The following ADAMTSL1 variants were observed in gnomAD, a reference collection of about 807,000 sequenced individuals.
ADAMTSL1 encodes ADAMTS-like protein 1.
In ADAMTSL1, 126 loss-of-function variants were observed where a neutral mutation model predicts 201.8. That is an observed-to-expected ratio of 0.62 (90% CI 0.54 to 0.72). ADAMTSL1 has a LOEUF of 0.72. Among genes scored for constraint, ADAMTSL1 ranks in the 30% least tolerant of loss-of-function variants. The pLI is 0.00. For synonymous variants in ADAMTSL1, 1,121 were observed against 903.4 expected (o/e 1.24, Z -4.32); for missense variants, 2,679 against 2,277.8 (o/e 1.18, Z -3.59).
intron 2 of ADAMTSL1, among the ~76,000 whole-genome samples, chr9:18,443,641 A>G (rs1344649682): frequency 6.6e-6 from 1 of 152,218 alleles, no homozygotes; most frequent in African/African-American, 2.4e-5. Flanking sequence ...TTCAGGGTGA[A>G]TGAAAGTTTG....
intron 1 of ADAMTSL1, among the ~76,000 whole-genome samples, chr9:18,153,188 A>C (rs539608660): frequency 2.0e-5 from 3 of 152,044 alleles, no homozygotes; most frequent in Non-Finnish European, 4.4e-5. Context: ...ATACTTGCCA[A>C]CTCTTTGAAG....
chr9:17,997,056 G>T (rs1353241576), intron 1 of ADAMTSL1, among the ~76,000 whole-genome samples: 2 of 152,120 alleles, frequency 1.3e-5, no homozygotes, highest in East Asian at 3.9e-4. Flanking sequence ...CCCTTTGATA[G>T]TGAGCAGTCT....
At chr9:17,913,163 T>C (rs1429127498) in intron 1 of ADAMTSL1, among the ~76,000 whole-genome samples, 1 of 152,168 alleles carries the variant, frequency 6.6e-6, no homozygotes, top group Non-Finnish European at 1.5e-5. Context: ...GGCTTAGGAT[T>C]GACTTGGCAA....
chr9:18,685,072 G>A (rs575373439), intron 13 of ADAMTSL1: 236 of 929,688 alleles, frequency 2.5e-4, no homozygotes, highest in Admixed American at 2.1e-3. Context: ...TCTTCTCTGC[G>A]CAAGGGGCCA....
chr9:18,864,818 G>T (rs990289161), intron 23 of ADAMTSL1, among the ~76,000 whole-genome samples: 1 of 152,224 alleles, frequency 6.6e-6, no homozygotes, highest in Non-Finnish European at 1.5e-5. Context: ...CTGGACTGAT[G>T]CCCTGTCCTT....
intron 2 of ADAMTSL1, among the ~76,000 whole-genome samples, chr9:18,210,537 A>G (rs988522413): frequency 6.8e-6 from 1 of 147,438 alleles, no homozygotes; most frequent in Non-Finnish European, 1.5e-5. Flanking sequence ...ATATTAATTA[A>G]TATTACCAGG....
Position 18,125,379 on chromosome 9 carries a change from G to A in ADAMTSL1, c.88-38483G>A, listed in dbSNP as rs559044951. Among the ~76,000 whole-genome samples, 6 of 152,246 alleles carry A rather than the reference G, an allele frequency of 3.9e-5. No individual in the cohort carries two copies. The South Asian group carries it at 1.2e-3, about 32-fold the overall frequency. ...CCTCCCACGACCATGTGGGAGTTGTGGGAGTTAAATTCAAGTTAAGATTTG... is the reference window on the plus strand; with the variant it reads ...CCTCCCACGACCATGTGGGAGTTGTAGGAGTTAAATTCAAGTTAAGATTTG... On this transcript the variant is annotated intron_variant, in intron 1 of 29. Coordinates refer to the ADAMTSL1 transcript ENST00000680146.
intron 1 of ADAMTSL1, among the ~76,000 whole-genome samples, chr9:17,927,279 T>C (rs887113579): frequency 1.3e-5 from 2 of 152,218 alleles, no homozygotes; most frequent in African/African-American, 4.8e-5. Flanking sequence ...ACTGCATGAA[T>C]GTATATGTAC....
intron 5 of ADAMTSL1, among the ~76,000 whole-genome samples, chr9:18,631,717 A>G (rs1213053066): frequency 2.0e-5 from 3 of 152,256 alleles, no homozygotes; most frequent in Non-Finnish European, 2.9e-5. Context: ...AATATTCTAT[A>G]TAGAAAGTTG....
chr9:18,766,053 A>C (rs1227115503), intron 16 of ADAMTSL1, among the ~76,000 whole-genome samples: 1 of 150,372 alleles, frequency 6.7e-6, no homozygotes, highest in African/African-American at 2.5e-5. Flanking sequence ...GAACAAAACA[A>C]CAAAAAAAAA....
At chr9:18,246,001 C>T (rs905956119) in intron 2 of ADAMTSL1, among the ~76,000 whole-genome samples, 7 of 152,118 alleles carry the variant, frequency 4.6e-5, no homozygotes, top group African/African-American at 1.7e-4. Flanking sequence ...CGAATTGTTG[C>T]TATTACCATA....
intron 1 of ADAMTSL1, among the ~76,000 whole-genome samples, chr9:18,077,166 T>C (rs1387054364): frequency 4.6e-5 from 7 of 152,130 alleles, no homozygotes; most frequent in African/African-American, 1.4e-4. Context: ...CAAATGTAGG[T>C]ATAAAATTAG....
chr9:18,792,299 C>A (rs1451586899), intron 19 of ADAMTSL1, among the ~76,000 whole-genome samples: 1 of 152,172 alleles, frequency 6.6e-6, no homozygotes, highest in Non-Finnish European at 1.5e-5. Flanking sequence ...ACAATTCCCT[C>A]TGATGAGCAG....
chr9:18,353,646 G>C (rs1040786603), intron 2 of ADAMTSL1, among the ~76,000 whole-genome samples: 1 of 152,094 alleles, frequency 6.6e-6, no homozygotes, highest in Admixed American at 6.5e-5. Context: ...TATTTTATGG[G>C]TTAGATGTAC....
chr9:18,419,771 C>T (rs1031451948), intron 2 of ADAMTSL1, among the ~76,000 whole-genome samples: 13 of 135,540 alleles, frequency 9.6e-5, no homozygotes, highest in East Asian at 2.2e-4. Flanking sequence ...CTTGCTCTGT[C>T]GCTCAGGCTG....
chr9:17,964,278 G>A (rs906071420), intron 1 of ADAMTSL1, among the ~76,000 whole-genome samples: 2 of 152,062 alleles, frequency 1.3e-5, no homozygotes, highest in Admixed American at 6.6e-5. Flanking sequence ...TTCCTGTGTC[G>A]TCCTTTCCTC....
At chr9:18,225,570 G>T (rs1175600779) in intron 2 of ADAMTSL1, among the ~76,000 whole-genome samples, 2 of 152,052 alleles carry the variant, frequency 1.3e-5, no homozygotes, top group Non-Finnish European at 2.9e-5. Context: ...ATATTTAAAA[G>T]CAATCCCATC....
At chr9:18,291,728 C>G (rs1833272937) in intron 2 of ADAMTSL1, among the ~76,000 whole-genome samples, 6 of 131,162 alleles carry the variant, frequency 4.6e-5, no homozygotes, top group Admixed American at 1.8e-4. Context: ...CTCTCTCTCT[C>G]TCTCTCTCTC....
chr9:18,637,619 C>G (rs1827182820), intron 6 of ADAMTSL1, among the ~76,000 whole-genome samples: 1 of 152,144 alleles, frequency 6.6e-6, no homozygotes, highest in Non-Finnish European at 1.5e-5. Context: ...TCCCAACAAA[C>G]ATACTATTGG....
Sources: gnomAD v4.1 joint callset for allele counts (sites outside exome capture counted in the v4.1 genomes callset) on GRCh38, gnomAD v4.1.1 for gene constraint, MANE v1.5 for transcripts, NCBI Gene and HGNC (gene_info 2026-07-23, HGNC 2026-07-21) for gene names.